KHDRBS2: variants seen among roughly 807,000 people sequenced by gnomAD.
KHDRBS2 encodes the protein KH RNA binding domain containing, signal transduction associated 2.
KHDRBS2 carries 26 observed loss-of-function variants against 44.3 expected under a neutral mutation model. The observed-to-expected ratio is 0.59, with a 90% CI of 0.43 to 0.81. The LOEUF is 0.81. Among genes scored for constraint, KHDRBS2 ranks in the 40% least tolerant of loss-of-function variants. KHDRBS2 has a pLI of 0.00. For missense variants in KHDRBS2, 476 were observed against 433.1 expected, an observed-to-expected ratio of 1.10 and a Z score of -0.88; for synonymous variants, 194 against 151.1, an observed-to-expected ratio of 1.28 and a Z score of -2.08.
chr6:62,278,352 C>G (rs1242496794), intron 1 of KHDRBS2, among the ~76,000 whole-genome samples: 3 of 152,024 alleles, frequency 2.0e-5, no homozygotes, highest in Non-Finnish European at 4.4e-5. Flanking sequence ...GCTGTGGGAA[C>G]AAACAGCTTC....
At chr6:62,012,107 A>G (rs1262321600) in intron 3 of KHDRBS2, among the ~76,000 whole-genome samples, 1 of 152,192 alleles carries the variant, frequency 6.6e-6, no homozygotes, top group African/African-American at 2.4e-5. Context: ...TGACGAGTCC[A>G]TGTGGAAGTC....
rs536270878 is a variant in KHDRBS2, at chr6:62,236,085, A to G, written c.91+49773T>C. On this transcript the variant is annotated intron_variant, in intron 1 of 8. Transcript: ENST00000281156. ...GCACAGGCCAGTAATTCATTTTCAA[A>G]ATAATTTTCTTGATTGCTAATTATT... Among the ~76,000 whole-genome samples, 3 of 152,246 alleles carry G rather than the reference A, an allele frequency of 2.0e-5. No individual in the cohort carries two copies. The South Asian group carries it at 6.2e-4, about 32-fold the overall frequency.
At chr6:62,260,323 A>C (rs1585478192) in intron 1 of KHDRBS2, among the ~76,000 whole-genome samples, 1 of 152,128 alleles carries the variant, frequency 6.6e-6, no homozygotes, top group East Asian at 1.9e-4. Context: ...TTACAGATTA[A>C]TGTAGATTGT....
chr6:62,171,546 C>T (rs191073375), intron 2 of KHDRBS2, among the ~76,000 whole-genome samples: 62 of 152,166 alleles, frequency 4.1e-4, no homozygotes, highest in African/African-American at 7.0e-4. Context: ...CCCAACCTTG[C>T]GAGAGGCCAA....
chr6:61,717,178 T>C (rs1364036073), intron 7 of KHDRBS2, among the ~76,000 whole-genome samples: 2 of 152,198 alleles, frequency 1.3e-5, no homozygotes, highest in East Asian at 3.9e-4. Context: ...CTATTTAAAC[T>C]ACTTAGGCAA....
chr6:61,834,384 GA>G (rs1562269099), intron 6 of KHDRBS2, among the ~76,000 whole-genome samples: 1 of 151,978 alleles, frequency 6.6e-6, no homozygotes, highest in East Asian at 1.9e-4. Flanking sequence ...ACTACATAAT[GA>G]AGTCAACATG....
At chr6:62,253,662 T>TA (rs1836911457) in intron 1 of KHDRBS2, among the ~76,000 whole-genome samples, 1 of 152,042 alleles carries the variant, frequency 6.6e-6, no homozygotes, top group Non-Finnish European at 1.5e-5. Context: ...AAGAAATTCC[T>TA]ATTATATTTG....
chr6:61,723,621 A>G (rs149571397), intron 7 of KHDRBS2, among the ~76,000 whole-genome samples: 9 of 152,264 alleles, frequency 5.9e-5, no homozygotes. Context: ...GCCAGTTTAG[A>G]GAGGAACATA....
chr6:61,689,890 T>C (rs1378826695), intron 8 of KHDRBS2, among the ~76,000 whole-genome samples: 4 of 152,078 alleles, frequency 2.6e-5, no homozygotes, highest in African/African-American at 7.2e-5. Flanking sequence ...CATAGATACA[T>C]ATATATTTGC....
At chr6:62,211,617 ATTTAT>A (rs1829059510) in intron 1 of KHDRBS2, among the ~76,000 whole-genome samples, 1 of 152,180 alleles carries the variant, frequency 6.6e-6, no homozygotes, top group South Asian at 2.1e-4. Flanking sequence ...TTAAAAAAAC[ATTTAT>A]TTTAAGTTCA....
chr6:62,244,826 T>C (rs1380666572), intron 1 of KHDRBS2, among the ~76,000 whole-genome samples: 1 of 152,126 alleles, frequency 6.6e-6, no homozygotes, highest in Non-Finnish European at 1.5e-5. Context: ...TGGCCGGCCA[T>C]GTTTTCACAT....
At chr6:61,569,625 C>T in the KHDRBS2 span, among the ~76,000 whole-genome samples, 3 of 152,142 alleles carry the variant, frequency 2.0e-5, no homozygotes, top group Non-Finnish European at 1.5e-5. Flanking sequence ...TTCAAGGAAG[C>T]CAGCACACTA....
chr6:61,850,276 T>A (rs1481465638), intron 6 of KHDRBS2, among the ~76,000 whole-genome samples: 6 of 152,224 alleles, frequency 3.9e-5, no homozygotes, highest in Non-Finnish European at 8.8e-5. Context: ...AGACTTTTAA[T>A]ATATCTCAGC....
chr6:61,945,150 T>TATATATATATATACACACAC (rs371595813), intron 4 of KHDRBS2, among the ~76,000 whole-genome samples: 6 of 86,996 alleles, frequency 6.9e-5, no homozygotes, highest in African/African-American at 2.6e-4. Flanking sequence ...TATATATATA[T>TATATATATATATACACACAC]ACACACAGAC....
chr6:61,794,188 T>C (rs915395034), intron 6 of KHDRBS2, among the ~76,000 whole-genome samples: 1 of 152,196 alleles, frequency 6.6e-6, no homozygotes, highest in Non-Finnish European at 1.5e-5. Flanking sequence ...GCCCTCATTA[T>C]GATAGACAGT....
At chr6:62,047,746 C>A (rs76870094) in intron 3 of KHDRBS2, 132 bp downstream of exon 3, 46,649 of 668,784 alleles carry the variant, frequency 0.07, 1,868 homozygotes, top group Non-Finnish European at 0.071. Context: ...CAGAAAGTGA[C>A]ACAGGGTGAT....
chr6:62,050,998 C>T (rs1400757679), intron 2 of KHDRBS2, among the ~76,000 whole-genome samples: 1 of 151,916 alleles, frequency 6.6e-6, no homozygotes, highest in African/African-American at 2.4e-5. Flanking sequence ...ATTTGAGAAG[C>T]CAGATATAAA....
At chr6:61,805,185 A>G (rs916155817) in intron 6 of KHDRBS2, among the ~76,000 whole-genome samples, 6 of 152,126 alleles carry the variant, frequency 3.9e-5, no homozygotes, top group Non-Finnish European at 8.8e-5. Context: ...GATACCCTAA[A>G]TCTTCTCTCT....
chr6:62,194,650 C>T (rs1166110296), intron 1 of KHDRBS2, among the ~76,000 whole-genome samples: 2 of 151,014 alleles, frequency 1.3e-5, no homozygotes, highest in Admixed American at 6.6e-5. Flanking sequence ...AAGTTGCGCC[C>T]GCCACCACAC....
Sources: gnomAD v4.1 joint callset for allele counts (sites outside exome capture counted in the v4.1 genomes callset) on GRCh38, gnomAD v4.1.1 for gene constraint, MANE v1.5 for transcripts, NCBI Gene and HGNC (gene_info 2026-07-23, HGNC 2026-07-21) for gene names.